MRTFA: variants seen among roughly 807,000 people sequenced by gnomAD.
MRTFA encodes myocardin related transcription factor A.
MRTFA carries 20 observed loss-of-function variants against 83.5 expected under a neutral mutation model. The observed-to-expected ratio is 0.24, with a 90% CI of 0.17 to 0.35. The LOEUF (loss-of-function observed/expected upper bound fraction) is 0.35. MRTFA is among the 10% of genes least tolerant of loss of function. The pLI is 1.00. For synonymous variants in MRTFA, 659 were observed against 541.2 expected (o/e 1.22, Z -3.02); for missense variants, 1,200 against 1,224.7 (o/e 0.98, Z 0.30).
intron 2 of MRTFA, among the ~76,000 whole-genome samples, chr22:40,592,584 G>C (rs776225230): frequency 6.6e-6 from 1 of 151,590 alleles, no homozygotes; most frequent in Non-Finnish European, 1.5e-5. Flanking sequence ...TACCTCCCAG[G>C]CTCAAGCAAT....
At position 40,499,918 on chromosome 22, in the gene MRTFA, T is replaced by C. The variant is rs545131379; in HGVS notation, c.242-36632A>G. 2.1e-5 allele frequency among the ~76,000 whole-genome samples: 3 copies of C among 140,714 alleles called. No homozygotes were observed. In the South Asian group the frequency reaches 7.2e-4, roughly 34 times the overall value. 92.3% of individuals were successfully genotyped at this position (140,714 alleles called of 152,430 possible). ...GGACAAGATTTTCAAGTAGACCTTT[T>C]TTTTTTTTTTTTTTTTTTTTTGAGA... On this transcript the variant is annotated intron_variant, in intron 3 of 14. Coordinates refer to ENST00000355630, the MANE Select transcript of MRTFA (RefSeq NM_020831.6).
chr22:40,416,979 G>C lies in MRTFA; in HGVS notation c.2578+7C>G. On this transcript the variant is annotated splice_region_variant and intron_variant, in intron 14 of 14. Coordinates refer to ENST00000355630, the MANE Select transcript of MRTFA (RefSeq NM_020831.6). This position sits in a 1 kb window ranked among gnomAD's most constrained non-coding sequence, Gnocchi z 4.2. ...CGTCAGGGAGGCAGCAGGGGACCTG[G>C]GGTTACCTCCGCTCTGAATGAGAAT... 2 of 1,592,252 alleles carry C rather than the reference G, an allele frequency of 1.3e-6. No individual in the cohort carries two copies. Among genetic ancestry groups the C allele is most frequent in the South Asian group, 1.1e-5 (1 of 87,112 alleles).
At chr22:40,602,111 GAAC>G (rs1189254981) in intron 1 of MRTFA, among the ~76,000 whole-genome samples, 11 of 152,178 alleles carry the variant, frequency 7.2e-5, no homozygotes, top group African/African-American at 2.7e-4. Flanking sequence ...CTACGAAGAA[GAAC>G]AACACAGAGA....
In MRTFA at chr22:40,465,485, G is replaced by A. The variant is rs372797356; in HGVS notation, c.242-2199C>T. 2.6e-5 allele frequency among the ~76,000 whole-genome samples: 4 copies of A among 152,252 alleles called. No homozygotes were observed. In the East Asian group the frequency reaches 5.8e-4, roughly 22 times the overall value. ...ATAATAGCTGACACTTATGACGCAC[G>A]TACTCTGTGCCAGACACTGTTTTAC... is the stretch of plus-strand genomic sequence containing the variant. On this transcript the variant is annotated intron_variant, in intron 3 of 14. Coordinates refer to ENST00000355630, the MANE Select transcript of MRTFA (RefSeq NM_020831.6).
At chr22:40,504,375 A>G (rs1379987832) in intron 3 of MRTFA, among the ~76,000 whole-genome samples, 2 of 152,198 alleles carry the variant, frequency 1.3e-5, no homozygotes, top group Admixed American at 1.3e-4. Flanking sequence ...GGTCTCTAAA[A>G]AAATACAAAG....
At chr22:40,413,929 A>T (rs930301172) in intron 14 of MRTFA, among the ~76,000 whole-genome samples, 1 of 151,854 alleles carries the variant, frequency 6.6e-6, no homozygotes, top group Non-Finnish European at 1.5e-5. Flanking sequence ...TGAAAATAAG[A>T]AGTGCTGGTG....
At chr22:40,438,935 T>A (rs757122407) in intron 4 of MRTFA, among the ~76,000 whole-genome samples, 1 of 151,918 alleles carries the variant, frequency 6.6e-6, no homozygotes, top group East Asian at 1.9e-4. Flanking sequence ...AGAAAGGGAT[T>A]AATATCTGTT....
intron 3 of MRTFA, among the ~76,000 whole-genome samples, chr22:40,465,940 C>T (rs1285741552): frequency 1.3e-5 from 2 of 152,050 alleles, no homozygotes; most frequent in Non-Finnish European, 2.9e-5. Flanking sequence ...ACACCTAAGG[C>T]TATCCCACTA....
In MRTFA at chr22:40,418,494, G is replaced by T. The variant is rs934272367; in HGVS notation, c.2244C>A (p.Ser748Arg). 2.3e-5 allele frequency: 37 copies of T among 1,607,118 alleles called. No individual in the cohort carries two copies. The highest frequency in any genetic ancestry group is 3.1e-5 in the Non-Finnish European group (36 of 1,177,834). ...TGGGAGGTGCAACCCCCTTGATGAG[G>T]CTGGGGCCCTGAGGCCCCAGAAGCA... Residue 748 changes from serine (S) to arginine (R), a missense_variant, in exon 12 of 15, where the codon AGC (serine) becomes AGA (arginine). This residue lies in a region of MRTFA where 1,107 missense variants were observed against 1,041.8 expected (regional missense o/e 1.06). Transcript: ENST00000355630.
At chr22:40,635,579 G>A (rs1486517341) in intron 1 of MRTFA, among the ~76,000 whole-genome samples, 1 of 152,074 alleles carries the variant, frequency 6.6e-6, no homozygotes, top group African/African-American at 2.4e-5. Context: ...CTGCCCTTTC[G>A]TTATGCTGCA....
At chr22:40,419,464 C>G in intron 11 of MRTFA, 80 bp from the exon 12 acceptor site, 1 of 1,318,526 alleles carries the variant, frequency 7.6e-7, no homozygotes, top group Non-Finnish European at 1.1e-6. Flanking sequence ...GCAGTCTGGG[C>G]CCCATGGGCC....
At chr22:40,485,636 T>C (rs1400915295) in intron 3 of MRTFA, among the ~76,000 whole-genome samples, 1 of 152,186 alleles carries the variant, frequency 6.6e-6, no homozygotes, top group Non-Finnish European at 1.5e-5. Context: ...CTAAATTGCT[T>C]AGCCTCCTAC....
At chr22:40,508,546 C>A (rs373579512) in intron 3 of MRTFA, among the ~76,000 whole-genome samples, 16 of 134,678 alleles carry the variant, frequency 1.2e-4, no homozygotes, top group East Asian at 4.8e-4. Context: ...AAAAAGGATT[C>A]ATTTAGACTC....
chr22:40,496,740 A>G (rs967249921), intron 3 of MRTFA, among the ~76,000 whole-genome samples: 2 of 143,570 alleles, frequency 1.4e-5, no homozygotes, highest in African/African-American at 5.2e-5. Flanking sequence ...AGAACAATCT[A>G]TTTTCTCTTT....
intron 6 of MRTFA, among the ~76,000 whole-genome samples, chr22:40,430,608 C>T (rs2053048270): frequency 6.6e-6 from 1 of 151,986 alleles, no homozygotes; most frequent in African/African-American, 2.4e-5. Context: ...TCTGTAACCA[C>T]AGCACTTTGG....
At position 40,587,107 on chromosome 22, in the gene MRTFA, C is replaced by T. The variant is rs538109068; in HGVS notation, c.-22+7567G>A. ...CTACGATGAATCTTCCTGCAACGTG[C>T]TTGAAGGGCTTTGGATGTCTGGGCT... is the stretch of plus-strand genomic sequence containing the variant. On this transcript the variant is annotated intron_variant, in intron 2 of 14. Transcript: ENST00000355630. 27 of 452,652 alleles carry T rather than the reference C, an allele frequency of 6.0e-5. No individual in the cohort carries two copies. In the East Asian group the frequency reaches 1.7e-3, roughly 28 times the overall value. 28.0% of individuals were successfully genotyped at this position (452,652 alleles called of 1,614,324 possible). A position where few individuals can be genotyped will look rare whatever the true frequency, so the allele number is the denominator to read the frequency against.
At chr22:40,577,590 C>T (rs1363773431) in intron 2 of MRTFA, among the ~76,000 whole-genome samples, 2 of 151,896 alleles carry the variant, frequency 1.3e-5, no homozygotes, top group Non-Finnish European at 2.9e-5. Context: ...GAAAAACACC[C>T]CTATTCAATC....
intron 2 of MRTFA, among the ~76,000 whole-genome samples, chr22:40,590,659 C>T (rs1049153835): frequency 8.1e-6 from 1 of 124,160 alleles, no homozygotes; most frequent in Admixed American, 9.1e-5. Context: ...TGTAACAGAA[C>T]AAGACTCTGT....
intron 2 of MRTFA, among the ~76,000 whole-genome samples, chr22:40,594,191 T>C (rs1274191962): frequency 1.3e-5 from 2 of 152,232 alleles, no homozygotes; most frequent in East Asian, 3.8e-4. Flanking sequence ...AAATTTACAG[T>C]TGCCAGTAAT....
Sources: gnomAD v4.1 joint callset for allele counts (sites outside exome capture counted in the v4.1 genomes callset) on GRCh38, gnomAD v4.1.1 for gene constraint, gnomAD v4.1.1 regional missense constraint, Gnocchi (gnomAD v3.1) non-coding constraint, MANE v1.5 for transcripts, NCBI Gene and HGNC (gene_info 2026-07-23, HGNC 2026-07-21) for gene names.